The following ZC3H12B variants were observed in gnomAD, a reference collection of about 807,000 sequenced individuals.
The protein encoded by ZC3H12B is probable ribonuclease ZC3H12B.
In ZC3H12B, 7 loss-of-function variants were observed where a neutral mutation model predicts 43.9. That is an observed-to-expected ratio of 0.16 (90% CI 0.09 to 0.30). The LOEUF (loss-of-function observed/expected upper bound fraction) is 0.30, where lower values mean the gene tolerates loss of function less well. ZC3H12B is among the 10% of genes least tolerant of loss of function. The pLI is 1.00. For synonymous variants in ZC3H12B, 222 were observed against 241.7 expected (o/e 0.92, Z 0.76); for missense variants, 475 against 670.2 (o/e 0.71, Z 3.22).
the ZC3H12B span, among the ~76,000 whole-genome samples, chrX:65,108,885 G>C: frequency 9.0e-6 from 1 of 111,250 alleles, no homozygotes; most frequent in Non-Finnish European, 1.9e-5. Context: ...ACTAGATGAT[G>C]GGAATTTTTC....
chrX:65,255,341 G>T, the ZC3H12B span, among the ~76,000 whole-genome samples: 1 of 111,890 alleles, frequency 8.9e-6, no homozygotes, highest in African/African-American at 3.2e-5. Flanking sequence ...AAAGTATCAG[G>T]CTACCAGTGG....
At chrX:65,144,904 G>T in the ZC3H12B span, among the ~76,000 whole-genome samples, 6 of 111,626 alleles carry the variant, frequency 5.4e-5, no homozygotes, top group Admixed American at 1.9e-4. Context: ...GTCTATCTTG[G>T]AGAAAGTTCC....
At chrX:65,374,212 T>A (rs1308633072) in intron 2 of ZC3H12B, among the ~76,000 whole-genome samples, 4 of 84,717 alleles carry the variant, frequency 4.7e-5, no homozygotes, top group African/African-American at 1.8e-4. Context: ...TATATATAGT[T>A]ATATATGTAC....
intron 2 of ZC3H12B, among the ~76,000 whole-genome samples, chrX:65,385,547 G>T (rs1048168455): frequency 6.3e-5 from 7 of 111,926 alleles, no homozygotes; most frequent in South Asian, 3.7e-4. Context: ...AGGAGATTTT[G>T]GGCTGAGATG....
chrX:65,229,603 C>A, the ZC3H12B span, among the ~76,000 whole-genome samples: 1 of 108,640 alleles, frequency 9.2e-6, no homozygotes, highest in Non-Finnish European at 1.9e-5. Context: ...AGGCAACCTA[C>A]AAAATGGGAG....
the ZC3H12B span, among the ~76,000 whole-genome samples, chrX:65,269,418 T>A: frequency 1.8e-5 from 2 of 110,188 alleles, no homozygotes; most frequent in Non-Finnish European, 3.8e-5. Context: ...ACACAAATAA[T>A]GGCCTAGCAG....
chrX:65,104,511 C>G, the ZC3H12B span, among the ~76,000 whole-genome samples: 12 of 111,715 alleles, frequency 1.1e-4, no homozygotes, highest in African/African-American at 2.3e-4. Flanking sequence ...TGCAATCTAA[C>G]CGTTTGCAAA....
At chrX:65,086,501 C>A in the ZC3H12B span, among the ~76,000 whole-genome samples, 1 of 111,646 alleles carries the variant, frequency 9.0e-6, no homozygotes, top group East Asian at 2.8e-4. Flanking sequence ...CCACCGAAAT[C>A]CATATGTTGA....
chrX:65,042,624 G>C, the ZC3H12B span, among the ~76,000 whole-genome samples: 2 of 112,121 alleles, frequency 1.8e-5, no homozygotes, highest in Non-Finnish European at 3.8e-5. Flanking sequence ...CTTTGTGTAA[G>C]ATGTCCAAAA....
chrX:65,212,127 T>C, the ZC3H12B span, among the ~76,000 whole-genome samples: 1 of 57,242 alleles, frequency 1.7e-5, no homozygotes, highest in African/African-American at 7.3e-5. Flanking sequence ...TAGTATATAA[T>C]ATACTATATA....
At chrX:65,123,971 A>G in the ZC3H12B span, among the ~76,000 whole-genome samples, 2 of 110,732 alleles carry the variant, frequency 1.8e-5, no homozygotes, top group Non-Finnish European at 1.9e-5. Context: ...ACTGATTTGG[A>G]TACCCTTTAT....
the ZC3H12B span, among the ~76,000 whole-genome samples, chrX:65,114,798 GTT>G: frequency 9.2e-6 from 1 of 108,197 alleles, no homozygotes; most frequent in Non-Finnish European, 1.9e-5. Context: ...ATTATGTTCT[GTT>G]TCTAGGTTCT....
At chrX:65,106,682 G>A in the ZC3H12B span, among the ~76,000 whole-genome samples, 1 of 111,070 alleles carries the variant, frequency 9.0e-6, no homozygotes, top group African/African-American at 3.3e-5. Flanking sequence ...TGCAGAGCCT[G>A]GAGAGATAAC....
At chrX:65,162,620 G>C in the ZC3H12B span, among the ~76,000 whole-genome samples, 5 of 111,805 alleles carry the variant, frequency 4.5e-5, no homozygotes, top group East Asian at 2.8e-4. Context: ...AGCTCCATCA[G>C]CTCCTTTAAG....
At chrX:65,476,060 C>T (rs2148204732) in intron 3 of ZC3H12B, among the ~76,000 whole-genome samples, 1 of 112,328 alleles carries the variant, frequency 8.9e-6, no homozygotes, top group African/African-American at 3.2e-5. Context: ...ATTTCTTCAT[C>T]TTTGACTTTA....
intron 3 of ZC3H12B, among the ~76,000 whole-genome samples, chrX:65,471,049 G>T (rs189133699): frequency 1.8e-5 from 2 of 111,434 alleles, no homozygotes; most frequent in African/African-American, 6.5e-5. Flanking sequence ...AGGTCCATTT[G>T]CTCTAGAGTG....
the ZC3H12B span, among the ~76,000 whole-genome samples, chrX:65,197,646 C>A: frequency 1.4e-4 from 16 of 111,936 alleles, no homozygotes; most frequent in African/African-American, 5.2e-4. Flanking sequence ...TATGTCATTC[C>A]CCAAAAGTCT....
the ZC3H12B span, among the ~76,000 whole-genome samples, chrX:65,122,005 T>C: frequency 8.9e-6 from 1 of 111,819 alleles, no homozygotes; most frequent in Non-Finnish European, 1.9e-5. Flanking sequence ...CACTGTGGTC[T>C]GAGAGACAGT....
At chrX:65,109,605 C>A in the ZC3H12B span, among the ~76,000 whole-genome samples, 1 of 111,598 alleles carries the variant, frequency 9.0e-6, no homozygotes, top group East Asian at 2.8e-4. Context: ...AGTTAATGAA[C>A]ATTTGGGTTG....
Sources: allele counts gnomAD v4.1 joint callset (sites outside exome capture counted in the v4.1 genomes callset), GRCh38; gene constraint gnomAD v4.1.1; transcripts MANE v1.5; gene names NCBI Gene and HGNC (gene_info 2026-07-23, HGNC 2026-07-21).